HDGFL3: variants seen among roughly 807,000 people sequenced by gnomAD.
HDGFL3 encodes the protein HDGF like 3.
In HDGFL3, 6 loss-of-function variants were observed where a neutral mutation model predicts 27.6. The observed-to-expected ratio is 0.22, with a 90% CI of 0.12 to 0.43. The LOEUF is 0.43. HDGFL3 is among the 20% of genes least tolerant of loss of function. The pLI, the probability that HDGFL3 is intolerant of heterozygous loss-of-function variation, is 1.00. For synonymous variants in HDGFL3, 88 were observed against 88.9 expected (o/e 0.99, Z 0.05); for missense variants, 207 against 250.1 (o/e 0.83, Z 1.16).
Position 83,161,924 on chromosome 15 carries a change from A to T in HDGFL3, c.161+2075T>A, listed in dbSNP as rs766253264. ...GGTTCCTTGAAAATTGTCTAGACTA[A>T]AACTACTGGGTTTATGTTAGAAGCA... is the stretch of plus-strand genomic sequence containing the variant. On this transcript the variant is annotated intron_variant, in intron 2 of 5. Coordinates refer to ENST00000299633, the MANE Select transcript of HDGFL3 (RefSeq NM_016073.4). Among the ~76,000 whole-genome samples, 65 of 152,176 alleles carry T rather than the reference A, an allele frequency of 4.3e-4. 1 individual carries two copies. Among genetic ancestry groups the T allele is most frequent in the Non-Finnish European group, 1.3e-4 (9 of 68,018 alleles).
intron 3 of HDGFL3, among the ~76,000 whole-genome samples, chr15:83,118,744 G>A (rs1200321131): frequency 1.3e-5 from 2 of 152,146 alleles, no homozygotes; most frequent in Non-Finnish European, 2.9e-5. Flanking sequence ...CAGCATGAAC[G>A]TGGGAGAAAG....
At chr15:83,179,417 T>C (rs1432172919) in intron 1 of HDGFL3, among the ~76,000 whole-genome samples, 1 of 152,192 alleles carries the variant, frequency 6.6e-6, no homozygotes, top group Non-Finnish European at 1.5e-5. Context: ...GATAATCTAA[T>C]TAGGAAACAG....
chr15:83,114,384 G>A (rs2034464346), exon 4 of HDGFL3: 1 of 152,264 alleles, frequency 6.6e-6, no homozygotes, highest in Non-Finnish European at 1.5e-5. Flanking sequence ...TCTGACACTT[G>A]TGTTGTCATC....
intron 5 of HDGFL3, among the ~76,000 whole-genome samples, chr15:83,143,825 T>A (rs992356954): frequency 2.0e-5 from 3 of 152,086 alleles, no homozygotes; most frequent in Admixed American, 1.3e-4. Flanking sequence ...GGTAAATCGT[T>A]ACAGTAAACA....
chr15:83,148,445 C>A (rs893046253), intron 5 of HDGFL3, among the ~76,000 whole-genome samples: 13 of 151,956 alleles, frequency 8.6e-5, no homozygotes, highest in Non-Finnish European at 1.9e-4. Flanking sequence ...CACGGTGAAA[C>A]CCCGTCTCTA....
intron 1 of HDGFL3, among the ~76,000 whole-genome samples, chr15:83,176,530 G>T (rs7173876): frequency 1.3e-5 from 2 of 152,044 alleles, no homozygotes; most frequent in African/African-American, 2.4e-5. Flanking sequence ...ACTGGAGCCC[G>T]TGGGGAGGCA....
At chr15:83,163,938 C>T in intron 2 of HDGFL3, 61 bp downstream of exon 2, 1 of 1,035,456 alleles carries the variant, frequency 9.7e-7, no homozygotes, top group Non-Finnish European at 1.5e-6. Flanking sequence ...AGAGATCATC[C>T]ATAACAATGT....
intron 3 of HDGFL3, among the ~76,000 whole-genome samples, chr15:83,116,891 C>T (rs1296490360): frequency 6.6e-6 from 1 of 152,134 alleles, no homozygotes; most frequent in African/African-American, 2.4e-5. Flanking sequence ...TGTTTTTACA[C>T]CAGAGAGGGA....
intron 3 of HDGFL3, among the ~76,000 whole-genome samples, chr15:83,119,353 T>C (rs894835171): frequency 6.6e-6 from 1 of 152,222 alleles, no homozygotes; most frequent in East Asian, 1.9e-4. Flanking sequence ...CATGGGCCAA[T>C]TGGCCAGGCA....
chr15:83,122,390 TATAGGTAG>T (rs1321858964), intron 3 of HDGFL3, among the ~76,000 whole-genome samples: 2 of 151,994 alleles, frequency 1.3e-5, no homozygotes, highest in African/African-American at 4.8e-5. Context: ...AATCAGGATA[TATAGGTAG>T]ATAGATAGAT....
intron 1 of HDGFL3, among the ~76,000 whole-genome samples, chr15:83,174,148 C>G (rs779640273): frequency 2.0e-5 from 3 of 152,092 alleles, no homozygotes; most frequent in Admixed American, 6.6e-5. Flanking sequence ...ATTAGGTAAC[C>G]TCTAGATTTC....
Position 83,141,465 on chromosome 15 carries a change from T to C in HDGFL3, c.607-2190A>G, listed in dbSNP as rs28444437. Among the ~76,000 whole-genome samples the C allele has an allele frequency of 6.6e-3, 1,013 of 152,342 alleles. 12 individuals carry two copies. The highest frequency in any genetic ancestry group is 0.023 in the African/African-American group (974 of 41,570). ...ATGCAGACTGGGCAATTTGGCACGT[T>C]ATAACAAATAAGTAACTTATTACTT... On this transcript the variant is annotated intron_variant, in intron 5 of 5. Transcript: ENST00000299633.
intron 5 of HDGFL3, among the ~76,000 whole-genome samples, chr15:83,146,037 A>C (rs2036886911): frequency 6.7e-6 from 1 of 149,262 alleles, no homozygotes; most frequent in East Asian, 2.0e-4. Context: ...CAGCCTCCCG[A>C]GTACCTGTGA....
chr15:83,127,365 C>CAT (rs776527009), downstream of HDGFL3: 9 of 1,612,226 alleles, frequency 5.6e-6, no homozygotes, highest in Non-Finnish European at 7.6e-6. Context: ...CAGATGCTGG[C>CAT]ATATATGTTC....
chr15:83,143,805 A>G (rs1285520319), intron 5 of HDGFL3, among the ~76,000 whole-genome samples: 5 of 152,168 alleles, frequency 3.3e-5, no homozygotes, highest in Non-Finnish European at 7.4e-5. Context: ...GAATAAAGGC[A>G]TGGCCACATG....
chr15:83,202,097 G>GA (rs1475147519), intron 1 of HDGFL3, among the ~76,000 whole-genome samples: 1 of 152,070 alleles, frequency 6.6e-6, no homozygotes, highest in African/African-American at 2.4e-5. Context: ...CAAAAAACCT[G>GA]AAAGTGCTAT....
At chr15:83,196,042 C>A (rs562367504) in intron 1 of HDGFL3, among the ~76,000 whole-genome samples, 1 of 151,686 alleles carries the variant, frequency 6.6e-6, no homozygotes, top group South Asian at 2.1e-4. Flanking sequence ...AAAGCCCTGA[C>A]ATTTATTAAA....
chr15:83,118,280 G>C, intron 3 of HDGFL3, among the ~76,000 whole-genome samples: 1 of 151,776 alleles, frequency 6.6e-6, no homozygotes, highest in East Asian at 1.9e-4. Flanking sequence ...GAGAGAGCAA[G>C]AGAGAGAGAG....
chr15:83,147,426 T>C (rs2036912199), intron 5 of HDGFL3, among the ~76,000 whole-genome samples: 2 of 152,164 alleles, frequency 1.3e-5, no homozygotes, highest in Non-Finnish European at 2.9e-5. Flanking sequence ...TTTGTGATCA[T>C]TTCTGACTTG....
Sources: allele counts gnomAD v4.1 joint callset (sites outside exome capture counted in the v4.1 genomes callset), GRCh38; gene constraint gnomAD v4.1.1; transcripts MANE v1.5; gene names NCBI Gene and HGNC (gene_info 2026-07-23, HGNC 2026-07-21).